Variants in ARHGEF10L observed in about 807,000 individuals in gnomAD.
The protein encoded by ARHGEF10L is rho guanine nucleotide exchange factor 10-like protein.
In ARHGEF10L, 69 loss-of-function variants were observed where a neutral mutation model predicts 141.2. The ratio of observed to expected loss-of-function variants is 0.49; its 90% CI spans 0.40 to 0.60. The LOEUF (loss-of-function observed/expected upper bound fraction) is 0.60, where lower values mean the gene tolerates loss of function less well. Among genes scored for constraint, ARHGEF10L ranks in the 20% least tolerant of loss-of-function variants. ARHGEF10L has a pLI of 0.00. For missense variants in ARHGEF10L, 1,482 were observed against 1,734.3 expected, an observed-to-expected ratio of 0.85 and a Z score of 2.58; for synonymous variants, 711 against 718.5, an observed-to-expected ratio of 0.99 and a Z score of 0.17.
At chr1:17,578,751 C>A (rs561322781) in intron 1 of ARHGEF10L, among the ~76,000 whole-genome samples, 13 of 152,266 alleles carry the variant, frequency 8.5e-5, no homozygotes, top group African/African-American at 2.9e-4. Context: ...AAAACAAAAC[C>A]AAACCTACTA....
At chr1:17,591,869 C>T (rs1325681808) in intron 4 of ARHGEF10L, among the ~76,000 whole-genome samples, 2 of 152,184 alleles carry the variant, frequency 1.3e-5, no homozygotes, top group Non-Finnish European at 2.9e-5. Context: ...ATTACTTGTA[C>T]CCCTAGGAGC....
At chr1:17,646,203 C>G (rs1027102663) in intron 21 of ARHGEF10L, among the ~76,000 whole-genome samples, 1 of 152,226 alleles carries the variant, frequency 6.6e-6, no homozygotes, top group African/African-American at 2.4e-5. Context: ...CACCTGCCAC[C>G]TCATTCCAGC....
chr1:17,600,299 G>T (rs1352969784), intron 4 of ARHGEF10L, among the ~76,000 whole-genome samples: 1 of 152,212 alleles, frequency 6.6e-6, no homozygotes, highest in Non-Finnish European at 1.5e-5. Flanking sequence ...ACAGGCTCGG[G>T]TGCCAGGAAG....
At chr1:17,677,387 T>C (rs2063790234) in intron 26 of ARHGEF10L, among the ~76,000 whole-genome samples, 1 of 152,250 alleles carries the variant, frequency 6.6e-6, no homozygotes, top group Non-Finnish European at 1.5e-5. Flanking sequence ...TCCTCCCTGG[T>C]GGTCTGGTTT....
chr1:17,626,596 T>G (rs1357055813), intron 14 of ARHGEF10L, among the ~76,000 whole-genome samples: 2 of 152,184 alleles, frequency 1.3e-5, no homozygotes. Flanking sequence ...TGGGCTCTTA[T>G]GTAACCATAC....
rs1317051284 is a variant in ARHGEF10L, at chr1:17,623,122, C to T, written c.1147C>T (p.Arg383Cys). The T allele has an allele frequency of 3.7e-6, 6 of 1,613,924 alleles. No homozygotes were observed. The highest frequency in any genetic ancestry group is 1.7e-5 in the Admixed American group (1 of 59,982). ...CATGTTCCAGATCGCCCTGTCCTCC[C>T]GCGTGGCTGAGTGGGATTCCACCGA... ...HSMFQIALSS[R>C]VAEWDSTEKI... Residue 383 changes from arginine (R) to cysteine (C), a missense_variant, in exon 12 of 29, where the codon CGC becomes TGC. Arg to Cys is a radical substitution (Grantham distance 180). Coordinates refer to ENST00000361221, the MANE Select transcript of ARHGEF10L (RefSeq NM_018125.4). This position sits in a 1 kb window ranked among gnomAD's most constrained non-coding sequence, Gnocchi z 4.7.
intron 4 of ARHGEF10L, among the ~76,000 whole-genome samples, chr1:17,590,967 A>G (rs1291930749): frequency 3.3e-5 from 5 of 152,202 alleles, no homozygotes; most frequent in Admixed American, 6.5e-5. Flanking sequence ...AGCCTGTGTG[A>G]CAAAGCGATA....
chr1:17,631,804 C>T (rs994875427), intron 15 of ARHGEF10L, among the ~76,000 whole-genome samples: 4 of 152,204 alleles, frequency 2.6e-5, no homozygotes, highest in Non-Finnish European at 5.9e-5. Flanking sequence ...TGCACTGGAC[C>T]GCAAGAGTCA....
rs1358956451 is a variant in ARHGEF10L, at chr1:17,656,006, TGGA to T, written c.2618_2620del (p.Glu873del). ...CTCTGCATGGAGTATATCCCGGAGC[TGGA>T]GGAGGAGGCGGAGAGCAGAGACGAG... is the stretch of plus-strand genomic sequence containing the variant. On this transcript the variant is annotated inframe_deletion, in exon 24 of 29. Transcript: ENST00000361221. This position sits in a 1 kb window ranked among gnomAD's most constrained non-coding sequence, Gnocchi z 4.9. The T allele has an allele frequency of 6.4e-7, 1 of 1,572,924 alleles. No individual in the cohort carries two copies. The highest frequency in any genetic ancestry group is 8.6e-7 in the Non-Finnish European group (1 of 1,158,228).
Position 17,623,318 on chromosome 1 carries a change from G to A in ARHGEF10L, c.1200+143G>A, listed in dbSNP as rs1386780187. 9.9e-7 allele frequency: 1 copy of A among 1,007,818 alleles called. No individual in the cohort carries two copies. The highest frequency in any genetic ancestry group is 2.7e-5 in the Admixed American group (1 of 36,692). 62.4% of individuals were successfully genotyped at this position (1,007,818 alleles called of 1,614,324 possible). A position where few individuals can be genotyped will look rare whatever the true frequency, so the allele number is the denominator to read the frequency against. On this transcript the variant is annotated intron_variant, in intron 12 of 28. Transcript: ENST00000361221. The surrounding 1 kb of genome is among the most constrained non-coding windows in gnomAD (Gnocchi z 4.7). ...GATTAGAGGGTGGCAGGGTCTTCTG[G>A]GCCTGATCTAGGGGTGAGTGTGACA... is the stretch of plus-strand genomic sequence containing the variant.
chr1:17,633,727 C>T (rs936162775), intron 16 of ARHGEF10L, among the ~76,000 whole-genome samples: 2 of 152,202 alleles, frequency 1.3e-5, no homozygotes, highest in Non-Finnish European at 2.9e-5. Flanking sequence ...GAAACAATCA[C>T]CTCAGTGGAA....
intron 28 of ARHGEF10L, among the ~76,000 whole-genome samples, chr1:17,696,237 T>G (rs1257952925): frequency 6.6e-6 from 1 of 151,356 alleles, no homozygotes; most frequent in Non-Finnish European, 1.5e-5. Context: ...AAGTTGCTTC[T>G]AAATTCTGAG....
At chr1:17,530,243 G>A in the ARHGEF10L span, among the ~76,000 whole-genome samples, 3 of 152,208 alleles carry the variant, frequency 2.0e-5, no homozygotes, top group Admixed American at 6.5e-5. Context: ...GGATGGTTTG[G>A]TCTAACTATC....
At chr1:17,602,471 G>A (rs1012476029) in intron 5 of ARHGEF10L, among the ~76,000 whole-genome samples, 2 of 152,280 alleles carry the variant, frequency 1.3e-5, no homozygotes, top group Non-Finnish European at 1.5e-5. Context: ...GCCCAGTGGT[G>A]GGAGTGCCCT....
rs1354353840 is a variant in ARHGEF10L, at chr1:17,673,281, C to T, written c.3009+8686C>T. ...CTGGTAGCAGCCAGCCCCCGATCCT[C>T]GCCTCCCCTCCACTCTGTGTGTCTC... On this transcript the variant is annotated intron_variant, in intron 26 of 28. Coordinates refer to ENST00000361221, the MANE Select transcript of ARHGEF10L (RefSeq NM_018125.4). The surrounding 1 kb of genome is among the most constrained non-coding windows in gnomAD (Gnocchi z 4.1). Among the ~76,000 whole-genome samples the T allele has an allele frequency of 2.6e-5, 4 of 152,066 alleles. No individual in the cohort carries two copies. Among genetic ancestry groups the T allele is most frequent in the Non-Finnish European group, 4.4e-5 (3 of 67,996 alleles).
the ARHGEF10L span, among the ~76,000 whole-genome samples, chr1:17,516,223 G>A: frequency 1.3e-5 from 2 of 152,328 alleles, no homozygotes; most frequent in East Asian, 3.9e-4. Context: ...CTCACCTCTT[G>A]GAGTGACCGA....
At position 17,679,942 on chromosome 1, in the gene ARHGEF10L, G is replaced by A. The variant is rs978664926; in HGVS notation, c.3010-7631G>A. Among the ~76,000 whole-genome samples, 9 of 152,252 alleles carry A rather than the reference G, an allele frequency of 5.9e-5. No homozygotes were observed. The East Asian group carries it at 7.7e-4, about 13-fold the overall frequency. On this transcript the variant is annotated intron_variant, in intron 26 of 28. Transcript: ENST00000361221. ...GGGCCAGCTCGGTGGTGACTGGGCC[G>A]GGAATGGGTGGCACAGCCCCTTCAT...
intron 3 of ARHGEF10L, 103 bp downstream of exon 3, chr1:17,587,748 C>T (rs964428811): frequency 1.5e-5 from 20 of 1,292,034 alleles, no homozygotes; most frequent in Non-Finnish European, 2.0e-5. Flanking sequence ...CCTCCGCTGT[C>T]CCCAGAAAGC....
intron 15 of ARHGEF10L, among the ~76,000 whole-genome samples, chr1:17,631,022 G>A (rs945849188): frequency 1.3e-5 from 2 of 150,146 alleles, no homozygotes; most frequent in Admixed American, 1.3e-4. Flanking sequence ...ATGCCCGGGG[G>A]TGATCTATCT....
Sources: gnomAD v4.1 joint callset for allele counts (sites outside exome capture counted in the v4.1 genomes callset) on GRCh38, gnomAD v4.1.1 for gene constraint, Gnocchi (gnomAD v3.1) non-coding constraint, MANE v1.5 for transcripts, NCBI Gene and HGNC (gene_info 2026-07-23, HGNC 2026-07-21) for gene names.